INO80: variants seen among roughly 807,000 people sequenced by gnomAD.
INO80 encodes the protein chromatin-remodeling ATPase INO80.
A neutral mutation model predicts 203.4 loss-of-function variants in INO80; 20 were observed. That is an observed-to-expected ratio of 0.10 (90% CI 0.07 to 0.14). INO80 has a LOEUF of 0.14. INO80 is among the 10% of genes least tolerant of loss of function. The probability of loss-of-function intolerance (pLI) is 1.00; values close to 1 mark genes in which losing one functional copy is unlikely to be tolerated. For synonymous variants in INO80, 726 were observed against 685.2 expected (o/e 1.06, Z -0.93); for missense variants, 1,419 against 1,914.4 (o/e 0.74, Z 4.83).
chr15:40,980,452 G>C lies in INO80; in HGVS notation c.4454-12C>G, dbSNP rs1893782887. The C allele has an allele frequency of 6.2e-7, 1 of 1,604,440 alleles. No homozygotes were observed. The highest frequency in any genetic ancestry group is 1.3e-5 in the African/African-American group (1 of 74,828). The stretch of plus-strand genomic sequence containing the variant: ...GCTGGCGGAGATTCCTGTGGGGACG[G>C]AGAGAGACAAGAACGTAAGCACCAG... On this transcript the variant is annotated splice_polypyrimidine_tract_variant and intron_variant, in intron 35 of 35. Coordinates refer to ENST00000648947, the MANE Select transcript of INO80 (RefSeq NM_017553.3).
intron 29 of INO80, among the ~76,000 whole-genome samples, chr15:40,989,092 T>C (rs1482748023): frequency 1.3e-5 from 2 of 151,870 alleles, no homozygotes; most frequent in South Asian, 2.1e-4. Context: ...GGCAGGAGAA[T>C]TGCTTGAACC....
At chr15:40,988,598 G>A (rs766874819) in intron 29 of INO80, among the ~76,000 whole-genome samples, 1 of 151,604 alleles carries the variant, frequency 6.6e-6, no homozygotes, top group Admixed American at 6.6e-5. Context: ...AAACAAAACA[G>A]GTCAGCTGTG....
intron 29 of INO80, among the ~76,000 whole-genome samples, chr15:40,989,966 G>A (rs570254132): frequency 9.3e-4 from 141 of 152,162 alleles, no homozygotes; most frequent in African/African-American, 3.1e-3. Context: ...TAGGAAGCTC[G>A]CCCTGTTTTC....
At chr15:41,022,282 T>C (rs1444035508) in intron 25 of INO80, among the ~76,000 whole-genome samples, 1 of 152,220 alleles carries the variant, frequency 6.6e-6, no homozygotes, top group African/African-American at 2.4e-5. Flanking sequence ...ACACCGGCTG[T>C]ATCTAGTTAG....
intron 1 of INO80, among the ~76,000 whole-genome samples, chr15:41,107,533 C>A (rs1352954323): frequency 6.6e-6 from 1 of 151,978 alleles, no homozygotes; most frequent in African/African-American, 2.4e-5. Flanking sequence ...GGTGTGATGG[C>A]TCATGCCTAT....
chr15:41,046,202 C>CATATATATATATATATATAT (rs1205932520), intron 23 of INO80, among the ~76,000 whole-genome samples: 2 of 109,500 alleles, frequency 1.8e-5, no homozygotes, highest in African/African-American at 4.5e-5. Flanking sequence ...TGTGCGTATA[C>CATATATATATATATATATAT]ATACATATAT....
chr15:41,107,177 ATTT>A (rs1268527812), intron 1 of INO80, among the ~76,000 whole-genome samples: 1 of 152,132 alleles, frequency 6.6e-6, no homozygotes, highest in Non-Finnish European at 1.5e-5. Context: ...CTCTAAAAAA[ATTT>A]TTTTTAATTT....
intron 24 of INO80, among the ~76,000 whole-genome samples, chr15:41,031,983 CACAGCACAGCACAGG>C (rs2044486882): frequency 2.8e-4 from 22 of 78,486 alleles, no homozygotes; most frequent in African/African-American, 8.0e-4. Context: ...CACAGCACAG[CACAGCACAGCACAGG>C]ACAGCACAGC....
At chr15:41,068,529 C>G (rs1042629643) in intron 14 of INO80, among the ~76,000 whole-genome samples, 1 of 151,796 alleles carries the variant, frequency 6.6e-6, no homozygotes, top group Non-Finnish European at 1.5e-5. Flanking sequence ...CCATTACACT[C>G]TAGCCTGGGT....
At chr15:41,008,210 G>A (rs1395303009) in intron 27 of INO80, among the ~76,000 whole-genome samples, 2 of 91,746 alleles carry the variant, frequency 2.2e-5, no homozygotes, top group African/African-American at 4.1e-5. Flanking sequence ...TAAAGAATAT[G>A]TGATATATAT....
intron 16 of INO80, 48 bp downstream of exon 16, chr15:41,058,591 G>T: frequency 6.9e-7 from 1 of 1,452,450 alleles, no homozygotes; most frequent in Non-Finnish European, 9.6e-7. Context: ...GTGTGTGTGT[G>T]TGTACTTAAC....
intron 20 of INO80, 79 bp downstream of exon 20, chr15:41,049,856 A>G: frequency 7.4e-7 from 1 of 1,346,138 alleles, no homozygotes; most frequent in Non-Finnish European, 1.0e-6. Context: ...ATTGCACTCC[A>G]GCCTGGGCAA....
chr15:41,114,096 G>A (rs754820527), intron 1 of INO80, among the ~76,000 whole-genome samples: 6 of 151,866 alleles, frequency 4.0e-5, no homozygotes, highest in Non-Finnish European at 5.9e-5. Flanking sequence ...GTGAAACCCC[G>A]TCTCTACTAA....
At position 40,980,222 on chromosome 15, in the gene INO80, G is replaced by C; in HGVS notation, c.*1C>G. 6.2e-7 allele frequency: 1 copy of C among 1,612,040 alleles called. No homozygotes were observed. Among genetic ancestry groups the C allele is most frequent in the South Asian group, 1.1e-5 (1 of 91,006 alleles). ...TGAAGGAAGTCGGAGGGCCCAGATG[G>C]TTACCGTCCTCCAGAGGGGTTGGTG... On this transcript the variant is annotated 3_prime_UTR_variant, in exon 36 of 36. Coordinates refer to ENST00000648947, the MANE Select transcript of INO80 (RefSeq NM_017553.3).
chr15:41,107,080 C>A (rs1018781335), intron 1 of INO80, among the ~76,000 whole-genome samples: 4 of 152,230 alleles, frequency 2.6e-5, no homozygotes, highest in Non-Finnish European at 5.9e-5. Context: ...AAATCAGCAC[C>A]TTCCTCCCGT....
intron 24 of INO80, among the ~76,000 whole-genome samples, chr15:41,030,674 T>C (rs1039821055): frequency 6.6e-6 from 1 of 151,386 alleles, no homozygotes; most frequent in African/African-American, 2.4e-5. Flanking sequence ...CATTCACTTA[T>C]TTTATTTTAT....
intron 1 of INO80, among the ~76,000 whole-genome samples, chr15:41,114,330 T>C (rs2045998073): frequency 6.6e-6 from 1 of 151,114 alleles, no homozygotes; most frequent in South Asian, 2.1e-4. Flanking sequence ...TTACCACACA[T>C]AATGATCTCA....
chr15:41,002,422 A>G (rs2043970707), intron 28 of INO80, among the ~76,000 whole-genome samples: 1 of 152,204 alleles, frequency 6.6e-6, no homozygotes, highest in Non-Finnish European at 1.5e-5. Flanking sequence ...AATAAATTAT[A>G]CACCTCCTGA....
At chr15:41,105,252 C>T (rs2045865104) in intron 1 of INO80, among the ~76,000 whole-genome samples, 1 of 152,100 alleles carries the variant, frequency 6.6e-6, no homozygotes, top group Admixed American at 6.6e-5. Context: ...AAATGTTAAA[C>T]ATTATCCTTT....
Sources: gnomAD v4.1 joint callset for allele counts (sites outside exome capture counted in the v4.1 genomes callset) on GRCh38, gnomAD v4.1.1 for gene constraint, MANE v1.5 for transcripts, NCBI Gene and HGNC (gene_info 2026-07-23, HGNC 2026-07-21) for gene names.